The following PADI2 variants were observed in gnomAD, a reference collection of about 807,000 sequenced individuals.
PADI2 encodes the protein peptidyl arginine deiminase 2.
A neutral mutation model predicts 81.1 loss-of-function variants in PADI2; 70 were observed. The observed-to-expected ratio is 0.86, with a 90% CI of 0.71 to 1.05. The LOEUF (loss-of-function observed/expected upper bound fraction) is 1.05. Among genes scored for constraint, PADI2 ranks in the 50% least tolerant of loss-of-function variants. PADI2 has a pLI of 0.00. For missense variants in PADI2, 853 were observed against 889.9 expected (o/e 0.96, Z 0.53); for synonymous variants, 338 against 358.0 (o/e 0.94, Z 0.63).
intron 1 of PADI2, among the ~76,000 whole-genome samples, chr1:17,111,520 A>G (rs1423845888): frequency 1.3e-5 from 2 of 152,194 alleles, no homozygotes; most frequent in African/African-American, 4.8e-5. Context: ...TGGCATTTGA[A>G]CTAAGGTTTA....
At chr1:17,069,621 G>A (rs1197403612) in intron 15 of PADI2, among the ~76,000 whole-genome samples, 2 of 151,592 alleles carry the variant, frequency 1.3e-5, no homozygotes, top group African/African-American at 2.4e-5. Context: ...ATTTCTGTGT[G>A]TGCATGTGTG....
rs1338396688 is a variant in PADI2 at position 17,069,979 on chromosome 1, AG to A, written c.1764+108del. 8.5e-6 allele frequency: 11 copies of A among 1,287,586 alleles called. No individual in the cohort carries two copies. In the East Asian group the frequency reaches 2.6e-4, roughly 31 times the overall value. The allele number at this position is 1,287,586 out of a possible 1,614,324, so 79.8% of individuals were successfully genotyped here. On this transcript the variant is annotated intron_variant, in intron 15 of 15. Transcript: ENST00000375486. ...GGTGAGGTCACACAGCAGCTCAGCC[AG>A]GATTGGGACCTGGGCCTCCCCATTG... is the stretch of plus-strand genomic sequence containing the variant.
chr1:17,074,630 A>G (rs2078288083), intron 13 of PADI2, among the ~76,000 whole-genome samples: 2 of 152,170 alleles, frequency 1.3e-5, no homozygotes, highest in South Asian at 2.1e-4. Flanking sequence ...TGCTGGTGAC[A>G]CTAAGGAGCT....
At chr1:17,092,345 TG>T in intron 6 of PADI2, 62 bp downstream of exon 6, 9 of 1,426,974 alleles carry the variant, frequency 6.3e-6, no homozygotes, top group Non-Finnish European at 8.5e-6. Flanking sequence ...AGGCCACAAC[TG>T]CTAAGGGGAG....
At chr1:17,080,163 C>T (rs2078333653) in intron 10 of PADI2, among the ~76,000 whole-genome samples, 2 of 152,124 alleles carry the variant, frequency 1.3e-5, no homozygotes, top group African/African-American at 4.8e-5. Context: ...TTATTATTTC[C>T]AGAGATTTGC....
Position 17,069,151 on chromosome 1 carries a change from A to C in PADI2, c.1891T>G (p.Phe631Val), listed in dbSNP as rs1329270251. ...TGGTAGGCAGAAATGTCGTCGATGA[A>C]GGTGCATTCGAGGCCCAGGGGCTCC... ...LLEPLGLECT[F>V]IDDISAYHKF... The change falls in exon 16 of 16, where the codon TTC (phenylalanine) becomes GTC (valine). Residue 631 changes from phenylalanine (F) to valine (V), a missense_variant. Phe to Val is a conservative substitution (Grantham distance 50). Transcript: ENST00000375486. 6.2e-7 allele frequency: 1 copy of C among 1,614,254 alleles called. No homozygotes were observed. The highest frequency in any genetic ancestry group is 8.5e-7 in the Non-Finnish European group (1 of 1,180,032).
intron 4 of PADI2, among the ~76,000 whole-genome samples, chr1:17,095,578 C>T (rs1350059571): frequency 6.6e-6 from 1 of 152,166 alleles, no homozygotes; most frequent in Non-Finnish European, 1.5e-5. Context: ...CCCCCACCTC[C>T]CTAGTCTTAA....
At chr1:17,097,931 T>C (rs569887635) in intron 3 of PADI2, among the ~76,000 whole-genome samples, 3 of 152,256 alleles carry the variant, frequency 2.0e-5, no homozygotes, top group South Asian at 4.1e-4. Context: ...GGAGCCACTC[T>C]GTCCTTTTCA....
intron 3 of PADI2, 51 bp from the exon 4 acceptor site, chr1:17,096,021 G>T: frequency 6.9e-7 from 1 of 1,445,164 alleles, no homozygotes; most frequent in South Asian, 1.2e-5. Flanking sequence ...GCAGGGCAGG[G>T]CAGGGGCAAG....
chr1:17,103,776 T>C (rs1931235571), intron 2 of PADI2, among the ~76,000 whole-genome samples: 1 of 120,946 alleles, frequency 8.3e-6, no homozygotes, highest in Non-Finnish European at 1.7e-5. Flanking sequence ...AAAAAGAATA[T>C]AAACTACCAG....
At chr1:17,092,665 G>T (rs749542132) in intron 5 of PADI2, 132 bp from the exon 6 acceptor site, 4 of 791,416 alleles carry the variant, frequency 5.1e-6, no homozygotes, top group Non-Finnish European at 7.5e-6. Context: ...AAAGCATAAA[G>T]AGGCTGGGTG....
At chr1:17,073,401 AG>A (rs1194666622) in intron 13 of PADI2, among the ~76,000 whole-genome samples, 1 of 131,874 alleles carries the variant, frequency 7.6e-6, no homozygotes, top group Non-Finnish European at 1.6e-5. Flanking sequence ...TGGACGACAG[AG>A]TGAGACTGTG....
chr1:17,100,661 T>A (rs1931109669), intron 3 of PADI2, among the ~76,000 whole-genome samples: 1 of 56,366 alleles, frequency 1.8e-5, no homozygotes. Flanking sequence ...TGATAGCAAA[T>A]TTTTTTTTTT....
At position 17,095,938 on chromosome 1, in the gene PADI2, C is replaced by A; in HGVS notation, c.382G>T (p.Gly128Cys). 6.2e-7 allele frequency: 1 copy of A among 1,608,238 alleles called. No individual in the cohort carries two copies. Among genetic ancestry groups the A allele is most frequent in the Admixed American group, 1.7e-5 (1 of 59,144 alleles). ...TTTGGGTTGTTCTTCTCCACCACAC[C>A]ATCCCGGTCTGCGTCCACATCCAGG... ...ISLDVDADRD[G>C]VVEKNNPKKA... is the part of the protein sequence containing the mutation. Residue 128 changes from glycine (G) to cysteine (C), a missense_variant, in exon 4 of 16, where the codon GGT becomes TGT. Physicochemically the swap from Gly to Cys is radical, Grantham distance 159. Transcript: ENST00000375486.
chr1:17,104,252 T>C (rs1218136661), intron 2 of PADI2, among the ~76,000 whole-genome samples: 1 of 151,066 alleles, frequency 6.6e-6, no homozygotes, highest in Admixed American at 6.6e-5. Context: ...ATCGCATCAC[T>C]GCACTCCAGC....
At chr1:17,090,581 T>TGTGTG (rs1553182498) in intron 6 of PADI2, among the ~76,000 whole-genome samples, 1 of 142,740 alleles carries the variant, frequency 7.0e-6, no homozygotes, top group African/African-American at 2.6e-5. Context: ...CGTCCTTTGC[T>TGTGTG]TGTGTGTGTG....
At chr1:17,116,985 G>C (rs550453815) in intron 1 of PADI2, among the ~76,000 whole-genome samples, 2 of 152,338 alleles carry the variant, frequency 1.3e-5, no homozygotes, top group East Asian at 3.9e-4. Context: ...CCAGGGGACT[G>C]CTGGCACTGT....
At chr1:17,101,754 C>G (rs960416797) in intron 3 of PADI2, among the ~76,000 whole-genome samples, 1 of 152,182 alleles carries the variant, frequency 6.6e-6, no homozygotes, top group Admixed American at 6.5e-5. Flanking sequence ...TGAGACCCCC[C>G]CTGAGAATGT....
Position 17,104,924 on chromosome 1 carries a change from A to G in PADI2, c.230T>C (p.Leu77Pro). The G allele has an allele frequency of 6.2e-7, 1 of 1,602,182 alleles. No homozygotes were observed. The highest frequency in any genetic ancestry group is 8.5e-7 in the Non-Finnish European group (1 of 1,176,454). ...QRWLLSPSTT[L>P]RVTMSQASTE... is the part of the protein sequence containing the mutation. ...GCTCGCCTGGCTCATGGTGACCCGC[A>G]GGGTGGTGCTGGGCGAGAGAAGCCA... Residue 77 changes from leucine to proline, a missense_variant, in exon 2 of 16, where the codon CTG becomes CCG. By Grantham distance (98) the Leu-to-Pro change is moderately conservative (BLOSUM62 -3). Transcript: ENST00000375486.
Sources: gnomAD v4.1 joint callset for allele counts (sites outside exome capture counted in the v4.1 genomes callset) on GRCh38, gnomAD v4.1.1 for gene constraint, MANE v1.5 for transcripts, NCBI Gene and HGNC (gene_info 2026-07-23, HGNC 2026-07-21) for gene names.